The following STT3B variants were observed in gnomAD, a reference collection of about 807,000 sequenced individuals.
The protein encoded by STT3B is STT3 oligosaccharyltransferase complex catalytic subunit B.
A neutral mutation model predicts 96.8 loss-of-function variants in STT3B; 29 were observed. That is an observed-to-expected ratio of 0.30 (90% CI 0.22 to 0.41). STT3B has a LOEUF of 0.41. Among genes scored for constraint, STT3B ranks in the 10% least tolerant of loss-of-function variants. The pLI is 1.00. For synonymous variants in STT3B, 367 were observed against 360.0 expected (o/e 1.02, Z -0.22); for missense variants, 640 against 1,022.3 (o/e 0.63, Z 5.10).
rs1204995345 is a variant in STT3B at position 31,636,344 on chromosome 3, T to C, written c.*280T>C. The stretch of plus-strand genomic sequence containing the variant: ...CATATTATCCTTCAAATCTGAGAAT[T>C]TGGACTAACTGCACCAAAGAACCCT... On this transcript the variant is annotated 3_prime_UTR_variant, in exon 16 of 16. Transcript: ENST00000295770. The C allele has an allele frequency of 4.0e-6, 1 of 247,118 alleles. No individual in the cohort carries two copies. The highest frequency in any genetic ancestry group is 7.7e-6 in the Non-Finnish European group (1 of 129,926). The allele number at this position is 247,118 out of a possible 1,614,324, so 15.3% of individuals were successfully genotyped here. A position where few individuals can be genotyped will look rare whatever the true frequency, so the allele number is the denominator to read the frequency against.
At chr3:31,540,335 C>T (rs6796101) in intron 1 of STT3B, among the ~76,000 whole-genome samples, 1,755 of 151,376 alleles carry the variant, frequency 0.012, 36 homozygotes, top group African/African-American at 0.041. Flanking sequence ...CTTGTTTGCT[C>T]ATTCCTATTA....
chr3:31,585,919 C>G (rs545359876), intron 3 of STT3B, among the ~76,000 whole-genome samples: 1 of 152,110 alleles, frequency 6.6e-6, no homozygotes, highest in African/African-American at 2.4e-5. Flanking sequence ...AAAATGTTTG[C>G]TTGTGGGTCT....
At position 31,637,231 on chromosome 3, in the gene STT3B, G is replaced by A. The variant is rs1485943346; in HGVS notation, c.*1167G>A. ...TTTTCTCCAGTTGTTTAGTAAAAGTGAAAGAGAAAGGGTTTTTCCTGCCAC... is the reference window on the plus strand; with the variant it reads ...TTTTCTCCAGTTGTTTAGTAAAAGTAAAAGAGAAAGGGTTTTTCCTGCCAC... On this transcript the variant is annotated 3_prime_UTR_variant, in exon 16 of 16. Transcript: ENST00000295770. 1 of 152,146 alleles carries A rather than the reference G, an allele frequency of 6.6e-6. No individual in the cohort carries two copies. Among genetic ancestry groups the A allele is most frequent in the Non-Finnish European group, 1.5e-5 (1 of 68,020 alleles). 9.4% of individuals were successfully genotyped at this position (152,146 alleles called of 1,614,324 possible).
rs139925773 is a variant in STT3B, at chr3:31,629,326, A to G, written c.2102A>G (p.Glu701Gly). ...AGTGACTATTTTACCCCACAGGGAGAATTCCGTGTAGACAAAGCAGGATCC... is the reference window on the plus strand; with the variant it reads ...AGTGACTATTTTACCCCACAGGGAGGATTCCGTGTAGACAAAGCAGGATCC... ...RESDYFTPQGEFRVDKAGSPT... is the reference protein window; with the variant it reads ...RESDYFTPQGGFRVDKAGSPT... The change falls in exon 14 of 16, where the codon GAA (glutamate) becomes GGA (glycine). Residue 701 changes from glutamate to glycine, a missense_variant. Coordinates refer to ENST00000295770, the MANE Select transcript of STT3B (RefSeq NM_178862.3). The G allele has an allele frequency of 6.2e-7, 1 of 1,607,660 alleles. No individual in the cohort carries two copies.
chr3:31,594,695 C>A (rs866267513), intron 3 of STT3B, among the ~76,000 whole-genome samples: 2 of 152,180 alleles, frequency 1.3e-5, no homozygotes, highest in Non-Finnish European at 2.9e-5. Flanking sequence ...GCTGGAATTA[C>A]AGGCATGAGC....
At chr3:31,605,504 GAGTA>G (rs902104433) in intron 5 of STT3B, among the ~76,000 whole-genome samples, 1 of 48,412 alleles carries the variant, frequency 2.1e-5, no homozygotes, top group Admixed American at 3.4e-4. Context: ...TCATGGTGGT[GAGTA>G]AGTCTCACAA....
chr3:31,600,788 A>G (rs1698911039), intron 5 of STT3B, among the ~76,000 whole-genome samples: 1 of 152,116 alleles, frequency 6.6e-6, no homozygotes, highest in Non-Finnish European at 1.5e-5. Context: ...AACTTACTGT[A>G]AGAGATTGAC....
At chr3:31,590,808 T>C (rs559519404) in intron 3 of STT3B, among the ~76,000 whole-genome samples, 1 of 152,186 alleles carries the variant, frequency 6.6e-6, no homozygotes, top group African/African-American at 2.4e-5. Context: ...ACACCAGAAT[T>C]ACAGAGTTGC....
intron 1 of STT3B, among the ~76,000 whole-genome samples, chr3:31,543,253 C>CTGT (rs1484569454): frequency 6.6e-6 from 1 of 152,102 alleles, no homozygotes; most frequent in Non-Finnish European, 1.5e-5. Flanking sequence ...ATTTTAACAC[C>CTGT]TGTGCATGTA....
At position 31,533,276 on chromosome 3, in the gene STT3B, T is replaced by C; in HGVS notation, c.278T>C (p.Ile93Thr). ...AGFSSRLFAV[I>T]RFESIIHEFD... ...TTCAGCTCGCGCCTCTTCGCCGTCA[T>C]CCGCTTCGAAAGCATCATCCACGAG... Residue 93 changes from isoleucine (I) to threonine (T), a missense_variant, in exon 1 of 16, where the codon ATC (isoleucine) becomes ACC (threonine). Around this residue, in one of 8 missense-constraint regions of STT3B, gnomAD observed 267 missense variants for 388.3 expected, o/e 0.69. Coordinates refer to ENST00000295770, the MANE Select transcript of STT3B (RefSeq NM_178862.3). The C allele has an allele frequency of 6.5e-7, 1 of 1,529,060 alleles. No homozygotes were observed. The highest frequency in any genetic ancestry group is 8.8e-7 in the Non-Finnish European group (1 of 1,138,342). The allele number at this position is 1,529,060 out of a possible 1,614,324, so 94.7% of individuals were successfully genotyped here.
At chr3:31,598,473 C>T (rs903839815) in intron 4 of STT3B, among the ~76,000 whole-genome samples, 11 of 152,016 alleles carry the variant, frequency 7.2e-5, no homozygotes, top group South Asian at 2.1e-4. Context: ...AAAAGAGAGA[C>T]GGATTGAGAA....
rs1264810676 is a variant in STT3B, at chr3:31,596,808, T to C, written c.722T>C (p.Val241Ala). The C allele has an allele frequency of 6.8e-6, 11 of 1,611,156 alleles. No individual in the cohort carries two copies. Among genetic ancestry groups the C allele is most frequent in the Non-Finnish European group, 9.3e-6 (11 of 1,177,996 alleles). Reference sequence around the variant, plus strand: ...GCTTTTGTTTTTTAGGTAAAATCTGTAAAAACTGGGTCAGTTTTTTGGACA... The same window carrying C: ...GCTTTTGTTTTTTAGGTAAAATCTGCAAAAACTGGGTCAGTTTTTTGGACA... ...QFTYYLWVKS[V>A]KTGSVFWTMC... Residue 241 changes from valine to alanine, a missense_variant, in exon 4 of 16, where the codon GTA becomes GCA. Transcript: ENST00000295770.
At chr3:31,613,276 A>G (rs982569634) in intron 5 of STT3B, among the ~76,000 whole-genome samples, 8 of 152,118 alleles carry the variant, frequency 5.3e-5, no homozygotes, top group African/African-American at 1.9e-4. Context: ...TATTAAACCT[A>G]AATTCTGTGG....
intron 14 of STT3B, 77 bp downstream of exon 14, chr3:31,629,488 G>A (rs1575449214): frequency 4.2e-6 from 3 of 717,388 alleles, no homozygotes; most frequent in East Asian, 5.8e-5. Flanking sequence ...CTAGAAAACA[G>A]GATAATGATA....
intron 1 of STT3B, among the ~76,000 whole-genome samples, chr3:31,569,675 A>G (rs1161510551): frequency 6.6e-6 from 1 of 152,148 alleles, no homozygotes; most frequent in Non-Finnish European, 1.5e-5. Flanking sequence ...GAAGGAGGAT[A>G]TATGTGAGAT....
chr3:31,564,181 T>G (rs1233170203), intron 1 of STT3B, among the ~76,000 whole-genome samples: 2 of 152,222 alleles, frequency 1.3e-5, no homozygotes, highest in South Asian at 2.1e-4. Flanking sequence ...TGGGAATGTT[T>G]AAACATTTCA....
rs147502578 is a variant in STT3B at position 31,549,674 on chromosome 3, G to T, written c.314+16362G>T. 2.4e-4 allele frequency among the ~76,000 whole-genome samples: 37 copies of T among 151,962 alleles called. 1 individual carries two copies. The highest frequency in any genetic ancestry group is 4.9e-4 in the Non-Finnish European group (33 of 67,976). ...AATTGTTAGAAATCCTCTTTATATA[G>T]TATAATGCATAATCATATGTCTAAT... On this transcript the variant is annotated intron_variant, in intron 1 of 15. Coordinates refer to ENST00000295770, the MANE Select transcript of STT3B (RefSeq NM_178862.3).
rs1252028675 is a variant in STT3B at position 31,559,082 on chromosome 3, G to T, written c.315-17314G>T. Among the ~76,000 whole-genome samples the T allele has an allele frequency of 2.4e-4, 28 of 116,678 alleles. 1 individual carries two copies. Among genetic ancestry groups the T allele is most frequent in the African/African-American group, 7.5e-4 (24 of 31,824 alleles). 76.5% of individuals were successfully genotyped at this position (116,678 alleles called of 152,430 possible). ...GGTTAGTCTAGGAAGTGCCTTATTG[G>T]TTTTTTTTTTTTTAAATCTTTTCAA... On this transcript the variant is annotated intron_variant, in intron 1 of 15. Transcript: ENST00000295770.
chr3:31,539,880 G>A lies in STT3B; in HGVS notation c.314+6568G>A, dbSNP rs940287546. On this transcript the variant is annotated intron_variant, in intron 1 of 15. Transcript: ENST00000295770. ...GGAAGTCTTAAGCCATGCCAGTTAA[G>A]GGAATTGGGAGATGGAGAGCTGAAC... Among the ~76,000 whole-genome samples, 8 of 152,126 alleles carry A rather than the reference G, an allele frequency of 5.3e-5. No individual in the cohort carries two copies. The South Asian group carries it at 1.7e-3, about 31-fold the overall frequency.
Sources: gnomAD v4.1 joint callset for allele counts (sites outside exome capture counted in the v4.1 genomes callset) on GRCh38, gnomAD v4.1.1 for gene constraint, gnomAD v4.1.1 regional missense constraint, MANE v1.5 for transcripts, NCBI Gene and HGNC (gene_info 2026-07-23, HGNC 2026-07-21) for gene names.